CDK12: variants seen among roughly 807,000 people sequenced by gnomAD.
The protein encoded by CDK12 is cyclin dependent kinase 12, also known as cyclin-dependent kinase 12.
Under a neutral mutation model 133.8 loss-of-function variants are expected in CDK12, and 17 were observed. The observed-to-expected ratio is 0.13, with a 90% confidence interval of 0.09 to 0.19. The LOEUF (loss-of-function observed/expected upper bound fraction) is 0.19. Among genes scored for constraint, CDK12 ranks in the 10% least tolerant of loss-of-function variants. CDK12 has a pLI of 1.00. For synonymous variants in CDK12, 694 were observed against 683.6 expected, an observed-to-expected ratio of 1.02 and a Z score of -0.24; for missense variants, 1,508 against 1,818.7, an observed-to-expected ratio of 0.83 and a Z score of 3.11.
rs114900133 is a variant in CDK12 at position 39,478,491 on chromosome 17, G to C, written c.1931+6728G>C. ...TTGGAAGCATGAGCCAACGTGCCCAGCCCTGGCCATGATTATTATCAGTAT... is the reference window on the plus strand; with the variant it reads ...TTGGAAGCATGAGCCAACGTGCCCACCCCTGGCCATGATTATTATCAGTAT... On this transcript the variant is annotated intron_variant, in intron 2 of 13. Coordinates refer to ENST00000447079, the MANE Select transcript of CDK12 (RefSeq NM_016507.4). 9.3e-3 allele frequency among the ~76,000 whole-genome samples: 1,409 copies of C among 152,176 alleles called. 19 individuals carry two copies. The highest frequency in any genetic ancestry group is 0.032 in the African/African-American group (1,332 of 41,520).
In CDK12 at chr17:39,524,798, A is replaced by C. The variant is rs1389348098; in HGVS notation, c.3220A>C (p.Thr1074Pro). ...TTCTCGAAAAGAAACTACCTCAGGG[A>C]CAAGTACTGAGCCTGTGAAGAACAG... The part of the protein sequence containing the change: ...KTSRKETTSG[T>P]STEPVKNSSP... Residue 1074 changes from threonine (T) to proline (P), a missense_variant, in exon 12 of 14, where the codon ACA becomes CCA. This residue lies in a region of CDK12 where 399 missense variants were observed against 469.6 expected (regional missense o/e 0.85). Transcript: ENST00000447079. The C allele has an allele frequency of 1.9e-6, 3 of 1,614,226 alleles. No individual in the cohort carries two copies. Among genetic ancestry groups the C allele is most frequent in the Non-Finnish European group, 2.5e-6 (3 of 1,180,044 alleles).
Position 39,492,761 on chromosome 17 carries a change from C to T in CDK12, c.2119C>T (p.Pro707Ser), listed in dbSNP as rs754901174. The change falls in exon 4 of 14, where the codon CCT becomes TCT. Residue 707 changes from proline to serine, a missense_variant. Physicochemically the swap from Pro to Ser is moderately conservative, Grantham distance 74 (BLOSUM62 -1). Coordinates refer to ENST00000447079, the MANE Select transcript of CDK12 (RefSeq NM_016507.4). Reference protein sequence around the residue: ...PYKKRPKICCPRYGERRQTES... With the variant: ...PYKKRPKICCSRYGERRQTES... ...GTTTTTACTTTTTAGAATTTGTTGT[C>T]CTCGTTATGGAGAAAGAAGACAAAC... is the stretch of plus-strand genomic sequence containing the variant. 1 of 1,606,890 alleles carries T rather than the reference C, an allele frequency of 6.2e-7. No homozygotes were observed. Among genetic ancestry groups the T allele is most frequent in the South Asian group, 1.1e-5 (1 of 89,518 alleles).
downstream of CDK12, among the ~76,000 whole-genome samples, chr17:39,536,085 C>T (rs543051637): frequency 1.8e-4 from 27 of 152,116 alleles, no homozygotes; most frequent in Non-Finnish European, 2.8e-4. Flanking sequence ...TAGGAGATTA[C>T]TCCAAGCCAG....
At chr17:39,472,115 C>G (rs541877619) in intron 2 of CDK12, among the ~76,000 whole-genome samples, 5 of 151,978 alleles carry the variant, frequency 3.3e-5, no homozygotes, top group Non-Finnish European at 5.9e-5. Context: ...TCCCCAGCAG[C>G]TGGGACTACA....
At chr17:39,519,681 C>A (rs1200716316) in intron 10 of CDK12, among the ~76,000 whole-genome samples, 1 of 151,566 alleles carries the variant, frequency 6.6e-6, no homozygotes, top group Non-Finnish European at 1.5e-5. Flanking sequence ...CCTCAAATTC[C>A]TAGGCTCAAG....
chr17:39,470,034 G>A (rs142007763), intron 1 of CDK12, among the ~76,000 whole-genome samples: 3 of 151,768 alleles, frequency 2.0e-5, no homozygotes, highest in East Asian at 3.9e-4. Context: ...TTCCAATGTG[G>A]GAAAAAAATA....
At chr17:39,472,083 A>C (rs2049837688) in intron 2 of CDK12, among the ~76,000 whole-genome samples, 1 of 152,038 alleles carries the variant, frequency 6.6e-6, no homozygotes, top group Non-Finnish European at 1.5e-5. Flanking sequence ...TCACAGGTTC[A>C]AGCGATTCTC....
rs879840168 is a variant in CDK12 at position 39,476,711 on chromosome 17, CTTTTTTTTTTTTT to C, written c.1931+4965_1931+4977del. Among the ~76,000 whole-genome samples the C allele has an allele frequency of 5.9e-5, 5 of 84,530 alleles. 1 individual carries two copies. The highest frequency in any genetic ancestry group is 7.5e-4 in the East Asian group (2 of 2,660). The allele number at this position is 84,530 out of a possible 152,430, so 55.5% of individuals were successfully genotyped here. ...TACAGGCATGAGCCACCATGCCTGCCTTTTTTTTTTTTTTTTTTTTTTTTTTTTTGAGACAGAG... is the reference window on the plus strand; with the variant it reads ...TACAGGCATGAGCCACCATGCCTGCCTTTTTTTTTTTTTTTTGAGACAGAG... On this transcript the variant is annotated intron_variant, in intron 2 of 13. Coordinates refer to ENST00000447079, the MANE Select transcript of CDK12 (RefSeq NM_016507.4).
At chr17:39,538,715 G>A (rs1319240666), downstream of CDK12, among the ~76,000 whole-genome samples, 3 of 152,132 alleles carry the variant, frequency 2.0e-5, no homozygotes, top group Admixed American at 2.0e-4. Context: ...TGGCTTACAC[G>A]GTGAAACCCC....
chr17:39,500,678 A>G (rs910477422), intron 5 of CDK12, among the ~76,000 whole-genome samples: 7 of 152,044 alleles, frequency 4.6e-5, no homozygotes, highest in African/African-American at 1.7e-4. Flanking sequence ...ACCTGCCCCC[A>G]TGAAGAGGTG....
chr17:39,511,935 C>A (rs984726892), intron 8 of CDK12, among the ~76,000 whole-genome samples: 3 of 152,152 alleles, frequency 2.0e-5, no homozygotes, highest in Non-Finnish European at 4.4e-5. Flanking sequence ...CATTCCCCTT[C>A]TGTGTTACCT....
At chr17:39,543,826 G>T (rs1278031271), upstream of CDK12, among the ~76,000 whole-genome samples, 2 of 152,120 alleles carry the variant, frequency 1.3e-5, no homozygotes, top group Non-Finnish European at 2.9e-5. Flanking sequence ...AGCTGTTATG[G>T]ATGAGAGAGC....
rs758546637 is a variant in CDK12, at chr17:39,490,673, C to T, written c.2048C>T (p.Pro683Leu). 15 of 1,613,728 alleles carry T rather than the reference C, an allele frequency of 9.3e-6. No homozygotes were observed. The African/African-American group carries it at 1.2e-4, about 13-fold the overall frequency. ...CTCCCTGGTGGAGATCTGTCTCCCC[C>T]AGACTCTCCAGAACCAAAGGCAATC... is the stretch of plus-strand genomic sequence containing the variant. ...PELPGGDLSP[P>L]DSPEPKAITP... is the part of the protein sequence containing the mutation. Residue 683 changes from proline to leucine, a missense_variant, in exon 3 of 14, where the codon CCA becomes CTA. Physicochemically the swap from Pro to Leu is moderately conservative, Grantham distance 98. Coordinates refer to ENST00000447079, the MANE Select transcript of CDK12 (RefSeq NM_016507.4).
chr17:39,547,908 G>A (rs1349498996), upstream of CDK12: 1 of 152,316 alleles, frequency 6.6e-6, no homozygotes, highest in African/African-American at 2.4e-5. Flanking sequence ...CAGGTGGGCT[G>A]AGGTAGACAG....
At chr17:39,538,613 G>C (rs117988901), downstream of CDK12, among the ~76,000 whole-genome samples, 1 of 152,072 alleles carries the variant, frequency 6.6e-6, no homozygotes, top group Non-Finnish European at 1.5e-5. Context: ...GGCAAACCCC[G>C]GCTACCTGGG....
chr17:39,466,833 A>C (rs1275103471), intron 1 of CDK12, among the ~76,000 whole-genome samples: 1 of 151,958 alleles, frequency 6.6e-6, no homozygotes, highest in Non-Finnish European at 1.5e-5. Context: ...TGTGCATTAC[A>C]TGTTTTTCTT....
In CDK12 at chr17:39,532,849, G is replaced by A. The variant is rs1197702425; in HGVS notation, c.*1533G>A. The A allele has an allele frequency of 4.3e-6, 1 of 232,808 alleles. No homozygotes were observed. The highest frequency in any genetic ancestry group is 8.5e-6 in the Non-Finnish European group (1 of 117,770). 14.4% of individuals were successfully genotyped at this position (232,808 alleles called of 1,614,324 possible). On this transcript the variant is annotated 3_prime_UTR_variant, in exon 14 of 14. Coordinates refer to ENST00000447079, the MANE Select transcript of CDK12 (RefSeq NM_016507.4). Reference sequence around the variant, plus strand: ...TTCTCATTCTGGCTTCTATTTCTATGTGAGTACCAGCATATAGAGTGTTTT... The same window carrying A: ...TTCTCATTCTGGCTTCTATTTCTATATGAGTACCAGCATATAGAGTGTTTT...
Position 39,492,845 on chromosome 17 carries a change from G to A in CDK12, c.2203G>A (p.Glu735Lys). The change falls in exon 4 of 14, where the codon GAA becomes AAA. Residue 735 changes from glutamate to lysine, a missense_variant. Physicochemically the swap from Glu to Lys is moderately conservative, Grantham distance 56 (BLOSUM62 1). Around this residue, in one of 9 missense-constraint regions of CDK12, gnomAD observed 74 missense variants for 160.2 expected, o/e 0.46. Transcript: ENST00000447079. The part of the protein sequence containing the change: ...DKFDIIGIIG[E>K]GTYGQVYKAK... ...GTTTGACATTATTGGGATTATTGGA[G>A]AAGGAACCTATGGCCAAGTATATAA... The A allele has an allele frequency of 6.2e-7, 1 of 1,613,538 alleles. No individual in the cohort carries two copies. The highest frequency in any genetic ancestry group is 8.5e-7 in the Non-Finnish European group (1 of 1,179,684).
intron 1 of CDK12, among the ~76,000 whole-genome samples, chr17:39,464,501 A>C (rs1192530049): frequency 1.3e-5 from 2 of 149,056 alleles, no homozygotes; most frequent in Admixed American, 6.8e-5. Flanking sequence ...AAGTGCTGGG[A>C]TTACAGGCAT....
Sources: allele counts gnomAD v4.1 joint callset (sites outside exome capture counted in the v4.1 genomes callset), GRCh38; gene constraint gnomAD v4.1.1; regional missense constraint gnomAD v4.1.1; transcripts MANE v1.5; gene names NCBI Gene and HGNC (gene_info 2026-07-23, HGNC 2026-07-21).